The following TRPS1 variants were observed in gnomAD, a reference collection of about 807,000 sequenced individuals.
TRPS1 encodes transcriptional repressor GATA binding 1.
TRPS1 carries 6 observed loss-of-function variants against 101.2 expected under a neutral mutation model. The ratio of observed to expected loss-of-function variants is 0.06; its 90% CI spans 0.03 to 0.12. The LOEUF (loss-of-function observed/expected upper bound fraction) is 0.12, where lower values mean the gene tolerates loss of function less well. TRPS1 is among the 10% of genes least tolerant of loss of function. TRPS1 has a pLI of 1.00. For synonymous variants in TRPS1, 578 were observed against 589.8 expected (o/e 0.98, Z 0.29); for missense variants, 1,363 against 1,567.0 (o/e 0.87, Z 2.20).
chr8:115,656,899 C>T (rs1811688433), intron 1 of TRPS1, among the ~76,000 whole-genome samples: 1 of 152,074 alleles, frequency 6.6e-6, no homozygotes, highest in Non-Finnish European at 1.5e-5. Context: ...ACTTCCTCTA[C>T]TTTCTGATAA....
chr8:115,414,386 G>A lies in TRPS1; in HGVS notation c.3522C>T (p.Asp1174=), dbSNP rs1812861538. The A allele has an allele frequency of 1.2e-6, 2 of 1,613,970 alleles. No individual in the cohort carries two copies. Among genetic ancestry groups the A allele is most frequent in the Non-Finnish European group, 1.7e-6 (2 of 1,179,964 alleles). Residue 1174 remains aspartate, a synonymous_variant, in exon 7 of 7, where the codon GAC becomes GAT. Coordinates refer to ENST00000395715, the MANE Select transcript of TRPS1 (RefSeq NM_014112.5). The surrounding 1 kb of genome is among the most constrained non-coding windows in gnomAD (Gnocchi z 4.8). ...GCTTGATCGCCAAATCTAGAGGAAT[G>A]TCATTGTCTGATCCAACAGCTGAAA... ...PHFSAVGSDN[D]IPLDLAIKHS... is the part of the protein sequence containing the mutation.
At chr8:115,417,289 T>C (rs923599548) in intron 6 of TRPS1, among the ~76,000 whole-genome samples, 1 of 152,186 alleles carries the variant, frequency 6.6e-6, no homozygotes, top group Non-Finnish European at 1.5e-5. Flanking sequence ...ACTTGCTACA[T>C]GCTAATAACT....
chr8:115,465,540 C>T (rs1814295363), intron 5 of TRPS1, among the ~76,000 whole-genome samples: 1 of 152,144 alleles, frequency 6.6e-6, no homozygotes, highest in Non-Finnish European at 1.5e-5. Context: ...CTCTTATGTA[C>T]GTTCATTGAC....
In TRPS1 at chr8:115,488,921, G is replaced by A. The variant is rs183687976; in HGVS notation, c.2701-70469C>T. On this transcript the variant is annotated intron_variant, in intron 5 of 6. Coordinates refer to ENST00000395715, the MANE Select transcript of TRPS1 (RefSeq NM_014112.5). ...TAATATAGTTCAATACTTTCAAAAC[G>A]TTCTCATAAAAAGTATGTAACATTT... Among the ~76,000 whole-genome samples the A allele has an allele frequency of 2.0e-3, 311 of 152,092 alleles. 1 individual carries two copies. Among genetic ancestry groups the A allele is most frequent in the Non-Finnish European group, 3.7e-3 (252 of 67,996 alleles).
chr8:115,564,253 G>T (rs1817014543), intron 5 of TRPS1, among the ~76,000 whole-genome samples: 2 of 152,076 alleles, frequency 1.3e-5, no homozygotes, highest in South Asian at 4.1e-4. Flanking sequence ...TGACTCAATT[G>T]TACACATTGG....
At chr8:115,455,836 G>C (rs1213531386) in intron 5 of TRPS1, among the ~76,000 whole-genome samples, 3 of 142,720 alleles carry the variant, frequency 2.1e-5, no homozygotes, top group Non-Finnish European at 4.5e-5. Flanking sequence ...CCAGGCTGGA[G>C]TGCAGTGGTG....
chr8:115,480,831 C>T (rs1258333719), intron 5 of TRPS1, among the ~76,000 whole-genome samples: 1 of 152,006 alleles, frequency 6.6e-6, no homozygotes, highest in East Asian at 1.9e-4. Context: ...ACAGGACTTG[C>T]TGTTGTGTAA....
intron 5 of TRPS1, among the ~76,000 whole-genome samples, chr8:115,533,436 G>GTTTTTTTTTTTTTTTTTTTTTTTT (rs1161916592): frequency 5.7e-5 from 2 of 35,002 alleles, no homozygotes; most frequent in African/African-American, 2.1e-4. Flanking sequence ...CATGTAATCT[G>GTTTTTTTTTTTTTTTTTTTTTTTT]TTTTTTTTTT....
intron 5 of TRPS1, among the ~76,000 whole-genome samples, chr8:115,503,528 G>C (rs1815370616): frequency 6.6e-6 from 1 of 152,146 alleles, no homozygotes; most frequent in East Asian, 1.9e-4. Context: ...CTGAAACAGA[G>C]CCAAATATAG....
intron 6 of TRPS1, among the ~76,000 whole-genome samples, chr8:115,416,536 A>C (rs868852620): frequency 6.1e-5 from 9 of 148,508 alleles, no homozygotes; most frequent in Middle Eastern, 3.9e-3. Flanking sequence ...TAAAATTTTA[A>C]ATATAAACAT....
chr8:115,448,893 CT>C (rs1436384156), intron 5 of TRPS1, among the ~76,000 whole-genome samples: 3 of 152,114 alleles, frequency 2.0e-5, no homozygotes, highest in East Asian at 3.9e-4. Flanking sequence ...CGTCGATCAT[CT>C]TTTGAAAGTG....
At chr8:115,564,444 T>C (rs1351863650) in intron 5 of TRPS1, among the ~76,000 whole-genome samples, 1 of 152,026 alleles carries the variant, frequency 6.6e-6, no homozygotes, top group East Asian at 1.9e-4. Context: ...ACAAAAACAA[T>C]AGATCCTGAT....
chr8:115,465,550 C>T (rs146517960), intron 5 of TRPS1, among the ~76,000 whole-genome samples: 30 of 152,128 alleles, frequency 2.0e-4, no homozygotes, highest in African/African-American at 6.5e-4. Context: ...CGTTCATTGA[C>T]CTATAAAATT....
At chr8:115,456,097 C>T (rs1814016904) in intron 5 of TRPS1, among the ~76,000 whole-genome samples, 1 of 151,934 alleles carries the variant, frequency 6.6e-6, no homozygotes, top group Admixed American at 6.6e-5. Flanking sequence ...CTGGCCATGG[C>T]TTCTTTCTAA....
intron 5 of TRPS1, among the ~76,000 whole-genome samples, chr8:115,570,691 A>T (rs999588309): frequency 2.6e-4 from 5 of 19,042 alleles, no homozygotes; most frequent in Admixed American, 2.0e-3. Context: ...ACACACACTC[A>T]CACACACACA....
At chr8:115,589,001 G>C (rs184863412) in intron 4 of TRPS1, among the ~76,000 whole-genome samples, 28 of 152,286 alleles carry the variant, frequency 1.8e-4, no homozygotes, top group African/African-American at 6.3e-4. Context: ...GAAATGGATA[G>C]TAATTGGTAT....
At chr8:115,632,834 A>G (rs1172663619) in intron 1 of TRPS1, among the ~76,000 whole-genome samples, 1 of 152,174 alleles carries the variant, frequency 6.6e-6, no homozygotes, top group Non-Finnish European at 1.5e-5. Context: ...GAGGACGAAG[A>G]AAGAGACCAG....
chr8:115,455,677 T>C (rs1158099384), intron 5 of TRPS1, among the ~76,000 whole-genome samples: 1 of 152,142 alleles, frequency 6.6e-6, no homozygotes, highest in Non-Finnish European at 1.5e-5. Flanking sequence ...AGGCCACAAC[T>C]GGCTTCAAAC....
intron 1 of TRPS1, among the ~76,000 whole-genome samples, chr8:115,662,691 T>TA (rs751548438): frequency 0.19 from 20,638 of 107,484 alleles, 1,906 homozygotes; most frequent in African/African-American, 0.28. Flanking sequence ...TGACTATTTA[T>TA]AAAAAAAAAA....
Sources: allele counts gnomAD v4.1 joint callset (sites outside exome capture counted in the v4.1 genomes callset), GRCh38; gene constraint gnomAD v4.1.1; non-coding constraint Gnocchi (gnomAD v3.1); transcripts MANE v1.5; gene names NCBI Gene and HGNC (gene_info 2026-07-23, HGNC 2026-07-21).